Variants in PRKD1 observed in about 807,000 individuals in gnomAD.
The protein encoded by PRKD1 is serine/threonine-protein kinase D1.
In PRKD1, 63 loss-of-function variants were observed where a neutral mutation model predicts 95.9. The ratio of observed to expected loss-of-function variants is 0.66; its 90% CI spans 0.54 to 0.81. The LOEUF is 0.81. Among genes scored for constraint, PRKD1 ranks in the 30% least tolerant of loss-of-function variants. PRKD1 has a pLI of 0.00. For synonymous variants in PRKD1, 425 were observed against 423.1 expected (o/e 1.00, Z -0.05); for missense variants, 1,048 against 1,165.3 (o/e 0.90, Z 1.47).
At chr14:29,841,699 C>T (rs560134109) in intron 1 of PRKD1, among the ~76,000 whole-genome samples, 2 of 152,210 alleles carry the variant, frequency 1.3e-5, no homozygotes, top group African/African-American at 4.8e-5. Flanking sequence ...TTATCAGCAG[C>T]ATGAAAAGAG....
At chr14:29,766,236 T>C (rs1888251180) in intron 1 of PRKD1, among the ~76,000 whole-genome samples, 2 of 152,176 alleles carry the variant, frequency 1.3e-5, no homozygotes, top group Non-Finnish European at 2.9e-5. Context: ...GTTCTTACTA[T>C]ACAATGCCTT....
intron 1 of PRKD1, among the ~76,000 whole-genome samples, chr14:29,771,885 T>C (rs181390159): frequency 5.3e-5 from 8 of 152,352 alleles, no homozygotes; most frequent in Non-Finnish European, 5.9e-5. Context: ...GTTGTGGACT[T>C]ATTGCAACTT....
chr14:29,724,564 G>A (rs1403608992), intron 2 of PRKD1, among the ~76,000 whole-genome samples: 2 of 152,084 alleles, frequency 1.3e-5, no homozygotes, highest in African/African-American at 4.8e-5. Flanking sequence ...AACCAATAAA[G>A]ATAAAAAAGA....
intron 1 of PRKD1, among the ~76,000 whole-genome samples, chr14:29,769,838 T>C (rs774478110): frequency 5.3e-5 from 8 of 152,358 alleles, no homozygotes; most frequent in South Asian, 2.1e-4. Context: ...TTATACAATA[T>C]GCAATAAATT....
chr14:29,756,872 T>G (rs192438315), intron 1 of PRKD1, among the ~76,000 whole-genome samples: 1 of 152,354 alleles, frequency 6.6e-6, no homozygotes, highest in African/African-American at 2.4e-5. Context: ...TTCTCAACTT[T>G]ATGAAAAGGG....
At chr14:29,824,000 G>A (rs1041511407) in intron 1 of PRKD1, among the ~76,000 whole-genome samples, 6 of 152,026 alleles carry the variant, frequency 3.9e-5, no homozygotes, top group East Asian at 1.9e-4. Flanking sequence ...CACATTCTTC[G>A]GACACACACT....
chr14:29,641,622 C>G (rs993608558), intron 4 of PRKD1, among the ~76,000 whole-genome samples: 3 of 152,186 alleles, frequency 2.0e-5, no homozygotes, highest in Admixed American at 1.3e-4. Flanking sequence ...TGTGCTTTCC[C>G]TAACATGAGG....
At chr14:29,723,582 C>T (rs1196478971) in intron 2 of PRKD1, among the ~76,000 whole-genome samples, 2 of 151,938 alleles carry the variant, frequency 1.3e-5, no homozygotes, top group African/African-American at 2.4e-5. Flanking sequence ...AATCACAATG[C>T]TAAGCAATAG....
At chr14:29,851,499 G>C (rs1892305884) in intron 1 of PRKD1, among the ~76,000 whole-genome samples, 1 of 152,074 alleles carries the variant, frequency 6.6e-6, no homozygotes, top group Non-Finnish European at 1.5e-5. Context: ...CTAATCATCA[G>C]AAAAATTCAA....
chr14:29,875,502 G>A (rs1893254997), intron 1 of PRKD1, among the ~76,000 whole-genome samples: 1 of 152,114 alleles, frequency 6.6e-6, no homozygotes, highest in African/African-American at 2.4e-5. Flanking sequence ...TCTCATTTCT[G>A]TTATTGTTGG....
intron 1 of PRKD1, among the ~76,000 whole-genome samples, chr14:29,868,582 A>T (rs1290835899): frequency 6.6e-6 from 1 of 152,176 alleles, no homozygotes; most frequent in Non-Finnish European, 1.5e-5. Flanking sequence ...TAGTTTTCAT[A>T]AACTTATATA....
chr14:29,812,348 T>C (rs1890524215), intron 1 of PRKD1, among the ~76,000 whole-genome samples: 1 of 152,158 alleles, frequency 6.6e-6, no homozygotes, highest in South Asian at 2.1e-4. Context: ...TAATTTGACG[T>C]TAATATGTAA....
chr14:29,752,911 T>G (rs1887543899), intron 1 of PRKD1, among the ~76,000 whole-genome samples: 1 of 152,138 alleles, frequency 6.6e-6, no homozygotes, highest in South Asian at 2.1e-4. Context: ...TAGTAGTTTT[T>G]GCACTCCTAC....
chr14:29,844,915 C>A (rs191153298), intron 1 of PRKD1, among the ~76,000 whole-genome samples: 1 of 152,104 alleles, frequency 6.6e-6, no homozygotes. Flanking sequence ...AAGAAAGGCA[C>A]CCCTTTGCTG....
At chr14:29,587,550 A>G (rs1892978960) in intron 16 of PRKD1, among the ~76,000 whole-genome samples, 1 of 152,234 alleles carries the variant, frequency 6.6e-6, no homozygotes, top group African/African-American at 2.4e-5. Flanking sequence ...GAGCATTTAC[A>G]ATGCCAATGT....
At chr14:29,753,412 A>T (rs1223105948) in intron 1 of PRKD1, among the ~76,000 whole-genome samples, 1 of 152,094 alleles carries the variant, frequency 6.6e-6, no homozygotes, top group African/African-American at 2.4e-5. Flanking sequence ...AGAAGTCAAC[A>T]TCATGTACTT....
chr14:29,614,856 ATTTTTTTTTTTTT>A (rs55917722), intron 13 of PRKD1, among the ~76,000 whole-genome samples: 1 of 115,638 alleles, frequency 8.6e-6, no homozygotes, highest in African/African-American at 3.6e-5. Context: ...TGCCCAGCTA[ATTTTTTTTTTTTT>A]TTTTTTTTTT....
intron 1 of PRKD1, among the ~76,000 whole-genome samples, chr14:29,743,179 C>T (rs1274002403): frequency 6.6e-6 from 1 of 152,080 alleles, no homozygotes; most frequent in Non-Finnish European, 1.5e-5. Context: ...CTAGTTTACA[C>T]TCAAGGTACC....
intron 1 of PRKD1, among the ~76,000 whole-genome samples, chr14:29,826,564 ATAT>A (rs1308909896): frequency 5.8e-4 from 6 of 10,428 alleles, no homozygotes; most frequent in Non-Finnish European, 8.3e-4. Flanking sequence ...ATATGATGGA[ATAT>A]ATATATATAC....
Sources: allele counts gnomAD v4.1 joint callset (sites outside exome capture counted in the v4.1 genomes callset), GRCh38; gene constraint gnomAD v4.1.1; transcripts MANE v1.5; gene names NCBI Gene and HGNC (gene_info 2026-07-23, HGNC 2026-07-21).